Variants in SYNDIG1L observed in about 807,000 individuals in gnomAD.
SYNDIG1L encodes synapse differentiation inducing 1 like.
In SYNDIG1L, 13 loss-of-function variants were observed where a neutral mutation model predicts 20.1. The ratio of observed to expected loss-of-function variants is 0.65; its 90% CI spans 0.42 to 1.03. The LOEUF is 1.03. SYNDIG1L is among the 50% of genes least tolerant of loss of function. The pLI is 0.00. For synonymous variants in SYNDIG1L, 128 were observed against 129.3 expected (o/e 0.99, Z 0.07); for missense variants, 294 against 305.1 (o/e 0.96, Z 0.27).
chr14:74,452,980 A>G, the SYNDIG1L span, among the ~76,000 whole-genome samples: 1 of 152,210 alleles, frequency 6.6e-6, no homozygotes, highest in African/African-American at 2.4e-5. Context: ...CCAGACCAGA[A>G]AAGTGTACAT....
chr14:74,447,096 C>T, the SYNDIG1L span, among the ~76,000 whole-genome samples: 1 of 151,956 alleles, frequency 6.6e-6, no homozygotes, highest in East Asian at 1.9e-4. Context: ...ATTTTTTAAA[C>T]CATAAAATAC....
At chr14:74,451,926 G>T in the SYNDIG1L span, among the ~76,000 whole-genome samples, 1 of 149,342 alleles carries the variant, frequency 6.7e-6, no homozygotes, top group South Asian at 2.1e-4. Flanking sequence ...GGAGGCGGAG[G>T]TTGCAGTGAG....
At chr14:74,452,717 A>G in the SYNDIG1L span, among the ~76,000 whole-genome samples, 1 of 152,366 alleles carries the variant, frequency 6.6e-6, no homozygotes, top group East Asian at 1.9e-4. Context: ...CACATAATCT[A>G]GCCATTACAT....
intron 1 of SYNDIG1L, among the ~76,000 whole-genome samples, chr14:74,418,525 T>C (rs1030309294): frequency 5.3e-5 from 8 of 152,054 alleles, no homozygotes; most frequent in African/African-American, 1.7e-4. Context: ...TGCAAATAAT[T>C]CGACACTCTT....
At chr14:74,439,617 A>T in the SYNDIG1L span, among the ~76,000 whole-genome samples, 122 of 152,316 alleles carry the variant, frequency 8.0e-4, no homozygotes, top group African/African-American at 2.8e-3. Context: ...GCAGTGGCTC[A>T]TGCCTATAAT....
chr14:74,479,987 C>G, the SYNDIG1L span: 1 of 1,383,184 alleles, frequency 7.2e-7, no homozygotes, highest in South Asian at 1.5e-5. Context: ...GAGTAAATTT[C>G]CAGGTGTAGA....
At chr14:74,437,909 CGTT>C in the SYNDIG1L span, among the ~76,000 whole-genome samples, 1 of 152,194 alleles carries the variant, frequency 6.6e-6, no homozygotes, top group African/African-American at 2.4e-5. Flanking sequence ...TCTTTAGCCA[CGTT>C]CTTCTGCCCC....
At position 74,407,649 on chromosome 14, in the gene SYNDIG1L, G is replaced by C; in HGVS notation, c.603C>G (p.Thr201=). The C allele has an allele frequency of 4.3e-6, 7 of 1,613,550 alleles. No homozygotes were observed. The highest frequency in any genetic ancestry group is 5.9e-6 in the Non-Finnish European group (7 of 1,179,728). Residue 201 remains threonine (T), a synonymous_variant, in exon 4 of 4, where the codon ACC becomes ACG. Transcript: ENST00000331628. Reference sequence around the variant, plus strand: ...CTAGGAAGAGGGCCCGGCGGGAGGTGGTGCTGGCCAGGCGGAAGTCCCCTT... The same window carrying C: ...CTAGGAAGAGGGCCCGGCGGGAGGTCGTGCTGGCCAGGCGGAAGTCCCCTT... ...ISKGDFRLAS[T]TSRRALFLAT...
intron 2 of SYNDIG1L, 32 bp downstream of exon 2, chr14:74,409,296 C>T (rs2086110908): frequency 1.4e-6 from 2 of 1,388,856 alleles, no homozygotes; most frequent in South Asian, 1.7e-5. Flanking sequence ...GTTGCTCATG[C>T]TGGAATCTGC....
upstream of SYNDIG1L, among the ~76,000 whole-genome samples, chr14:74,429,671 G>T (rs1160394933): frequency 6.6e-6 from 1 of 152,368 alleles, no homozygotes; most frequent in South Asian, 2.1e-4. Flanking sequence ...GGGATTGTCT[G>T]GCAGAGGACA....
At chr14:74,478,170 AC>A in the SYNDIG1L span, among the ~76,000 whole-genome samples, 2 of 152,150 alleles carry the variant, frequency 1.3e-5, no homozygotes, top group Non-Finnish European at 2.9e-5. Context: ...GCTTTTATGG[AC>A]CTTTTAATCC....
At chr14:74,423,839 C>G (rs2086243869) in intron 1 of SYNDIG1L, among the ~76,000 whole-genome samples, 1 of 151,828 alleles carries the variant, frequency 6.6e-6, no homozygotes, top group South Asian at 2.1e-4. Flanking sequence ...TGGTGGGGTC[C>G]CTGGCCCTTT....
chr14:74,423,050 C>A (rs1170005884), intron 1 of SYNDIG1L, among the ~76,000 whole-genome samples: 1 of 152,014 alleles, frequency 6.6e-6, no homozygotes, highest in African/African-American at 2.4e-5. Flanking sequence ...TTCTCAGCAG[C>A]CCCCCCGCCC....
the SYNDIG1L span, among the ~76,000 whole-genome samples, chr14:74,459,127 G>T: frequency 9.2e-5 from 14 of 152,258 alleles, no homozygotes; most frequent in South Asian, 2.9e-3. Context: ...CACTGTCTCT[G>T]TCTCTGGAGG....
At chr14:74,428,060 CAAAG>C (rs2086279422), upstream of SYNDIG1L, among the ~76,000 whole-genome samples, 1 of 152,230 alleles carries the variant, frequency 6.6e-6, no homozygotes, top group African/African-American at 2.4e-5. Context: ...AGGGAAAACT[CAAAG>C]AGAGGCTGTT....
the SYNDIG1L span, among the ~76,000 whole-genome samples, chr14:74,478,972 T>C: frequency 6.6e-6 from 1 of 152,182 alleles, no homozygotes; most frequent in South Asian, 2.1e-4. Flanking sequence ...CTGTTAATTG[T>C]TGGTGCCAGG....
chr14:74,429,270 AG>A (rs2139636236), upstream of SYNDIG1L, among the ~76,000 whole-genome samples: 1 of 152,260 alleles, frequency 6.6e-6, no homozygotes, highest in Non-Finnish European at 1.5e-5. Context: ...AAAACCTGGG[AG>A]GGGATGCCCT....
the SYNDIG1L span, among the ~76,000 whole-genome samples, chr14:74,458,781 C>T: frequency 1.3e-5 from 2 of 152,150 alleles, no homozygotes; most frequent in African/African-American, 2.4e-5. Context: ...CACACCTTGA[C>T]ATGACTGCTG....
the SYNDIG1L span, among the ~76,000 whole-genome samples, chr14:74,460,013 C>T: frequency 6.6e-6 from 1 of 152,172 alleles, no homozygotes; most frequent in Non-Finnish European, 1.5e-5. Flanking sequence ...AAAATTTCCC[C>T]TGGACCTCCA....
Sources: gnomAD v4.1 joint callset for allele counts (sites outside exome capture counted in the v4.1 genomes callset) on GRCh38, gnomAD v4.1.1 for gene constraint, MANE v1.5 for transcripts, NCBI Gene and HGNC (gene_info 2026-07-23, HGNC 2026-07-21) for gene names.